The following SEMA6D variants were observed in gnomAD, a reference collection of about 807,000 sequenced individuals.
The protein encoded by SEMA6D is semaphorin 6D, also known as semaphorin-6D.
A neutral mutation model predicts 106.6 loss-of-function variants in SEMA6D; 35 were observed. That is an observed-to-expected ratio of 0.33 (90% CI 0.25 to 0.44). SEMA6D has a LOEUF of 0.44. SEMA6D is among the 20% of genes least tolerant of loss of function. The pLI is 1.00. For synonymous variants in SEMA6D, 499 were observed against 487.7 expected (o/e 1.02, Z -0.31); for missense variants, 1,185 against 1,345.9 (o/e 0.88, Z 1.87).
intron 1 of SEMA6D, among the ~76,000 whole-genome samples, chr15:47,314,284 A>G (rs2036553589): frequency 6.6e-6 from 1 of 152,010 alleles, no homozygotes; most frequent in African/African-American, 2.4e-5. Context: ...ATTGAGTTGC[A>G]TGTTTTCCTA....
intron 4 of SEMA6D, among the ~76,000 whole-genome samples, chr15:47,677,034 A>G (rs541220264): frequency 5.3e-5 from 8 of 152,248 alleles, no homozygotes; most frequent in African/African-American, 1.9e-4. Context: ...GGCACAGTTC[A>G]CAATAGGGTT....
At chr15:47,385,774 G>A (rs1204066044) in intron 1 of SEMA6D, among the ~76,000 whole-genome samples, 1 of 152,164 alleles carries the variant, frequency 6.6e-6, no homozygotes, top group Non-Finnish European at 1.5e-5. Flanking sequence ...AAGGACATCT[G>A]CTCCAACCAG....
intron 1 of SEMA6D, among the ~76,000 whole-genome samples, chr15:47,738,521 A>G (rs1246411273): frequency 1.3e-5 from 2 of 152,216 alleles, no homozygotes; most frequent in East Asian, 3.8e-4. Flanking sequence ...TGACACATAG[A>G]AAAGCAATCT....
chr15:47,278,023 T>G (rs2034918287), intron 1 of SEMA6D, among the ~76,000 whole-genome samples: 1 of 152,092 alleles, frequency 6.6e-6, no homozygotes, highest in Non-Finnish European at 1.5e-5. Context: ...TGTTGGACAT[T>G]TGGGTTGGTT....
At chr15:47,762,087 A>C in intron 7 of SEMA6D, 113 bp from the exon 8 acceptor site, 1 of 1,141,896 alleles carries the variant, frequency 8.8e-7, no homozygotes, top group Non-Finnish European at 1.3e-6. Flanking sequence ...CCCTATTTGT[A>C]TAGATAATGG....
At chr15:47,692,540 A>C (rs1476161055) in intron 4 of SEMA6D, among the ~76,000 whole-genome samples, 1 of 152,172 alleles carries the variant, frequency 6.6e-6, no homozygotes, top group East Asian at 1.9e-4. Flanking sequence ...CTGTAAAAAC[A>C]AGGTTGTCTG....
chr15:47,600,165 G>A (rs753386835), intron 3 of SEMA6D, among the ~76,000 whole-genome samples: 9 of 152,078 alleles, frequency 5.9e-5, no homozygotes, highest in Non-Finnish European at 1.2e-4. Flanking sequence ...AACCAGGCGT[G>A]GTGTTTGGCT....
intron 18 of SEMA6D, among the ~76,000 whole-genome samples, chr15:47,769,684 C>T (rs1008745431): frequency 4.6e-5 from 7 of 152,008 alleles, no homozygotes; most frequent in African/African-American, 1.7e-4. Context: ...ACTTGAATAC[C>T]TCTTAAACTA....
intron 1 of SEMA6D, among the ~76,000 whole-genome samples, chr15:47,244,342 G>A (rs1040238509): frequency 1.6e-4 from 24 of 152,194 alleles, no homozygotes; most frequent in East Asian, 3.9e-4. Flanking sequence ...CATCATCTGC[G>A]AAGAAGAATA....
At chr15:47,253,430 A>C (rs2033628783) in intron 1 of SEMA6D, among the ~76,000 whole-genome samples, 1 of 152,022 alleles carries the variant, frequency 6.6e-6, no homozygotes, top group African/African-American at 2.4e-5. Flanking sequence ...AACAATACTC[A>C]CCCAAGGAAA....
rs1457615480 is a variant in SEMA6D, at chr15:47,620,724, A to G, written c.-55+19828A>G. Among the ~76,000 whole-genome samples, 4 of 151,392 alleles carry G rather than the reference A, an allele frequency of 2.6e-5. No homozygotes were observed. The East Asian group carries it at 7.7e-4, about 29-fold the overall frequency. The stretch of plus-strand genomic sequence containing the variant: ...TATATATATATACACACATATATAT[A>G]TATATTCTTTGTGCAAATATTTTAT... On this transcript the variant is annotated intron_variant, in intron 4 of 19. Coordinates refer to the SEMA6D transcript ENST00000558014.
chr15:47,620,711 C>T (rs192767940), intron 4 of SEMA6D, among the ~76,000 whole-genome samples: 10,355 of 140,092 alleles, frequency 0.074, 1,201 homozygotes, highest in African/African-American at 0.26. Flanking sequence ...TATATATATA[C>T]ACACATATAT....
At chr15:47,482,953 T>C (rs2043193979) in intron 3 of SEMA6D, among the ~76,000 whole-genome samples, 1 of 152,134 alleles carries the variant, frequency 6.6e-6, no homozygotes, top group African/African-American at 2.4e-5. Context: ...GCTTGGAATA[T>C]ATCAGTGAAA....
At chr15:47,458,175 C>T (rs2042400227) in intron 2 of SEMA6D, among the ~76,000 whole-genome samples, 1 of 151,882 alleles carries the variant, frequency 6.6e-6, no homozygotes, top group African/African-American at 2.4e-5. Context: ...TAAAAATACT[C>T]TTAAAAATCT....
chr15:47,729,767 C>G (rs1218125863), intron 1 of SEMA6D, among the ~76,000 whole-genome samples: 3 of 152,246 alleles, frequency 2.0e-5, no homozygotes, highest in Admixed American at 6.5e-5. Context: ...CTTCTCTTCA[C>G]TACACACTTA....
At chr15:47,288,845 G>A (rs1187938543) in intron 1 of SEMA6D, among the ~76,000 whole-genome samples, 1 of 152,138 alleles carries the variant, frequency 6.6e-6, no homozygotes, top group Non-Finnish European at 1.5e-5. Context: ...TAGGACAGCC[G>A]AGCACAACTT....
chr15:47,644,880 C>T (rs2077552812), intron 4 of SEMA6D, among the ~76,000 whole-genome samples: 1 of 152,090 alleles, frequency 6.6e-6, no homozygotes, highest in South Asian at 2.1e-4. Flanking sequence ...ATCAGTGTTT[C>T]TTTTGGGGGC....
intron 1 of SEMA6D, among the ~76,000 whole-genome samples, chr15:47,406,863 A>G (rs1420000136): frequency 1.3e-5 from 2 of 152,018 alleles, no homozygotes; most frequent in East Asian, 3.9e-4. Flanking sequence ...TAATTTCACA[A>G]TGTATGTCCA....
intron 1 of SEMA6D, among the ~76,000 whole-genome samples, chr15:47,335,257 G>C (rs1412081418): frequency 6.6e-6 from 1 of 152,118 alleles, no homozygotes; most frequent in African/African-American, 2.4e-5. Context: ...TAATTTAAGA[G>C]CAATGTCTTT....
Sources: allele counts gnomAD v4.1 joint callset (sites outside exome capture counted in the v4.1 genomes callset), GRCh38; gene constraint gnomAD v4.1.1; transcripts MANE v1.5; gene names NCBI Gene and HGNC (gene_info 2026-07-23, HGNC 2026-07-21).